Variants in KAZN observed in about 807,000 individuals in gnomAD.
The protein encoded by KAZN is kazrin.
Under a neutral mutation model 87.4 loss-of-function variants are expected in KAZN, and 40 were observed. That is an observed-to-expected ratio of 0.46 (90% CI 0.36 to 0.60). The LOEUF (loss-of-function observed/expected upper bound fraction) is 0.60, where lower values mean the gene tolerates loss of function less well. Among genes scored for constraint, KAZN ranks in the 20% least tolerant of loss-of-function variants. KAZN has a pLI of 0.00. For synonymous variants in KAZN, 466 were observed against 458.3 expected (o/e 1.02, Z -0.22); for missense variants, 898 against 1,073.9 (o/e 0.84, Z 2.29).
intron 1 of KAZN, among the ~76,000 whole-genome samples, chr1:14,768,355 T>G (rs1022893486): frequency 6.6e-6 from 1 of 152,244 alleles, no homozygotes. Flanking sequence ...AATATAGTTT[T>G]GTAACAACTC....
chr1:15,033,892 C>G (rs1671982952), intron 2 of KAZN, among the ~76,000 whole-genome samples: 2 of 152,200 alleles, frequency 1.3e-5, no homozygotes, highest in South Asian at 4.1e-4. Context: ...ACACACACCA[C>G]CACGCCTGGC....
intron 1 of KAZN, among the ~76,000 whole-genome samples, chr1:13,964,971 G>A (rs900592017): frequency 6.6e-6 from 1 of 151,260 alleles, no homozygotes; most frequent in Non-Finnish European, 1.5e-5. Context: ...ATAAGAGGGT[G>A]CCAGGTGGAG....
intron 1 of KAZN, chr1:14,180,331 G>A: frequency 1.0e-6 from 1 of 962,070 alleles, no homozygotes; most frequent in East Asian, 2.6e-5. Context: ...GCCTGGCTTA[G>A]ACCTTGTATG....
At chr1:14,892,195 G>C (rs562498149) in intron 1 of KAZN, among the ~76,000 whole-genome samples, 1 of 152,048 alleles carries the variant, frequency 6.6e-6, no homozygotes, top group South Asian at 2.1e-4. Flanking sequence ...GCCCAGCCCA[G>C]CACCTGCCAC....
intron 1 of KAZN, among the ~76,000 whole-genome samples, chr1:14,823,653 A>G (rs1249710950): frequency 6.6e-6 from 1 of 152,148 alleles, no homozygotes; most frequent in African/African-American, 2.4e-5. Context: ...AGACAAAAAG[A>G]AAGAAGGGAT....
At chr1:14,736,101 A>C (rs1022815290) in intron 1 of KAZN, among the ~76,000 whole-genome samples, 1 of 152,146 alleles carries the variant, frequency 6.6e-6, no homozygotes, top group African/African-American at 2.4e-5. Context: ...GAAAAACAGA[A>C]GTTCCCCACA....
chr1:14,776,423 G>A (rs753872192), intron 1 of KAZN, among the ~76,000 whole-genome samples: 3 of 152,198 alleles, frequency 2.0e-5, no homozygotes, highest in South Asian at 2.1e-4. Context: ...CCAGACCCCT[G>A]TCCTTGGGAT....
rs534778044 is a variant in KAZN at position 14,768,881 on chromosome 1, G to A, written c.226+169658G>A. On this transcript the variant is annotated intron_variant, in intron 1 of 14. Coordinates refer to ENST00000376030, the MANE Select transcript of KAZN (RefSeq NM_201628.3). ...TTTTCAAGGGAAGCCGGAGATTCGCGCCATGTGAAATGTCCCAATTTTTCA... is the reference window on the plus strand; with the variant it reads ...TTTTCAAGGGAAGCCGGAGATTCGCACCATGTGAAATGTCCCAATTTTTCA... Among the ~76,000 whole-genome samples, 6 of 152,304 alleles carry A rather than the reference G, an allele frequency of 3.9e-5. No homozygotes were observed. The South Asian group carries it at 6.2e-4, about 16-fold the overall frequency.
intron 2 of KAZN, among the ~76,000 whole-genome samples, chr1:15,018,600 T>TTA (rs112257430): frequency 5.5e-5 from 8 of 146,608 alleles, no homozygotes; most frequent in African/African-American, 1.8e-4. Context: ...GGAGTTGATT[T>TTA]AAAAAAAAAA....
At chr1:14,138,082 A>AGTGTGTGTGT (rs149980453) in intron 1 of KAZN, among the ~76,000 whole-genome samples, 2,103 of 150,012 alleles carry the variant, frequency 0.014, 26 homozygotes, top group South Asian at 0.04. Context: ...TAAATGTTAC[A>AGTGTGTGTGT]GTGTGTGTGT....
Position 14,496,096 on chromosome 1 carries a change from G to A in KAZN, c.250-102887G>A, listed in dbSNP as rs188644741. Reference sequence around the variant, plus strand: ...TATTTTCACAGTCTCGCTTTTCACCGATTCAAGACAATGAAGAAGAAAGAT... The same window carrying A: ...TATTTTCACAGTCTCGCTTTTCACCAATTCAAGACAATGAAGAAGAAAGAT... On this transcript the variant is annotated intron_variant, in intron 2 of 16. Coordinates refer to the KAZN transcript ENST00000636203. Among the ~76,000 whole-genome samples, 442 of 152,166 alleles carry A rather than the reference G, an allele frequency of 2.9e-3. 8 individuals are homozygous for A. Among genetic ancestry groups the A allele is most frequent in the Non-Finnish European group, 4.4e-3 (299 of 68,004 alleles).
chr1:14,238,177 T>C (rs987985121), intron 2 of KAZN, among the ~76,000 whole-genome samples: 1 of 152,158 alleles, frequency 6.6e-6, no homozygotes, highest in Admixed American at 6.5e-5. Context: ...AAGGCCATTT[T>C]TGAGGATTAA....
At chr1:14,158,342 C>A (rs747923298) in intron 1 of KAZN, among the ~76,000 whole-genome samples, 24 of 151,972 alleles carry the variant, frequency 1.6e-4, no homozygotes, top group Non-Finnish European at 2.6e-4. Context: ...AATAGCCTGT[C>A]TTGAAGCTCC....
intron 1 of KAZN, among the ~76,000 whole-genome samples, chr1:14,811,378 G>C (rs1162865184): frequency 6.6e-6 from 1 of 152,196 alleles, no homozygotes; most frequent in Non-Finnish European, 1.5e-5. Context: ...AAGAGGGTGG[G>C]AATGTTATAA....
chr1:14,180,205 T>C (rs1646167885), intron 1 of KAZN, among the ~76,000 whole-genome samples: 1 of 152,166 alleles, frequency 6.6e-6, no homozygotes, highest in Non-Finnish European at 1.5e-5. Context: ...TGCTCACAAG[T>C]GTATCCCCAA....
In KAZN at chr1:14,807,474, A is replaced by G. The variant is rs77460803; in HGVS notation, c.227-153210A>G. 1.6e-4 allele frequency among the ~76,000 whole-genome samples: 24 copies of G among 152,258 alleles called. No homozygotes were observed. The East Asian group carries it at 4.3e-3, about 27-fold the overall frequency. On this transcript the variant is annotated intron_variant, in intron 1 of 14. Transcript: ENST00000376030. ...GCCAAAATATATTTATTACTGATAA[A>G]ACTAATCTTGAGGTCCATGCATGGT...
rs1485294179 is a variant in KAZN at position 14,423,883 on chromosome 1, C to T, written c.250-175100C>T. The stretch of plus-strand genomic sequence containing the variant: ...GAGACAATGTAAGGCTGGGACCGTC[C>T]ACATCAGCTTTGCCTATAAAGGAAA... On this transcript the variant is annotated intron_variant, in intron 2 of 16. Coordinates refer to the KAZN transcript ENST00000636203. Among the ~76,000 whole-genome samples, 3 of 152,182 alleles carry T rather than the reference C, an allele frequency of 2.0e-5. No individual in the cohort carries two copies. The East Asian group carries it at 5.8e-4, about 29-fold the overall frequency.
intron 7 of KAZN, among the ~76,000 whole-genome samples, chr1:15,064,636 GA>G (rs1461649297): frequency 6.6e-6 from 1 of 152,250 alleles, no homozygotes; most frequent in Non-Finnish European, 1.5e-5. Context: ...TCCACAGGTA[GA>G]GTCATGATCA....
At chr1:14,196,181 C>A (rs1301908515) in intron 2 of KAZN, among the ~76,000 whole-genome samples, 1 of 152,068 alleles carries the variant, frequency 6.6e-6, no homozygotes, top group African/African-American at 2.4e-5. Flanking sequence ...GTGAGAGTTC[C>A]AGAGAATAAA....
Sources: allele counts gnomAD v4.1 joint callset (sites outside exome capture counted in the v4.1 genomes callset), GRCh38; gene constraint gnomAD v4.1.1; transcripts MANE v1.5; gene names NCBI Gene and HGNC (gene_info 2026-07-23, HGNC 2026-07-21).